ARK2N: variants seen among roughly 807,000 people sequenced by gnomAD.
The protein encoded by ARK2N is protein ARK2N.
chr18:46,213,020 G>GA, the ARK2N span, among the ~76,000 whole-genome samples: 1 of 56,274 alleles, frequency 1.8e-5, no homozygotes, highest in Non-Finnish European at 3.4e-5. Flanking sequence ...TTTTTTTTTG[G>GA]AGACTAAGTC....
the ARK2N span, among the ~76,000 whole-genome samples, chr18:46,193,745 C>T: frequency 6.6e-6 from 1 of 151,530 alleles, no homozygotes; most frequent in Admixed American, 6.6e-5. Context: ...ATTACAAGTG[C>T]ATGCCAACAC....
chr18:46,231,836 C>T, the ARK2N span: 1 of 151,446 alleles, frequency 6.6e-6, no homozygotes, highest in Admixed American at 6.6e-5. Flanking sequence ...CTCACTGCAA[C>T]CTCCACCTCC....
At chr18:46,241,961 C>T in the ARK2N span, among the ~76,000 whole-genome samples, 7 of 151,936 alleles carry the variant, frequency 4.6e-5, no homozygotes, top group South Asian at 8.3e-4. Context: ...GGATTACAGG[C>T]GCGCACCACC....
the ARK2N span, chr18:46,174,186 C>T: frequency 6.6e-6 from 1 of 152,512 alleles, no homozygotes; most frequent in Non-Finnish European, 1.5e-5. Context: ...GCTGCCGGGG[C>T]TTGTTCCGAG....
At chr18:46,236,791 C>T in the ARK2N span, among the ~76,000 whole-genome samples, 7 of 151,608 alleles carry the variant, frequency 4.6e-5, no homozygotes, top group African/African-American at 1.7e-4. Flanking sequence ...TTATTCTATC[C>T]TATAATGAAC....
chr18:46,175,038 G>T, the ARK2N span, among the ~76,000 whole-genome samples: 25 of 152,300 alleles, frequency 1.6e-4, no homozygotes, highest in African/African-American at 6.0e-4. Context: ...AACCGGCGAG[G>T]ATGTACACTG....
chr18:46,186,073 A>G, the ARK2N span, among the ~76,000 whole-genome samples: 2 of 152,094 alleles, frequency 1.3e-5, no homozygotes, highest in African/African-American at 4.8e-5. Context: ...ATTTTTTTGA[A>G]GTGTTTAGGT....
the ARK2N span, among the ~76,000 whole-genome samples, chr18:46,185,712 C>T: frequency 2.0e-5 from 3 of 152,266 alleles, no homozygotes; most frequent in Middle Eastern, 3.4e-3. Context: ...TAAGGCCGGG[C>T]GTGGTGGCTC....
the ARK2N span, chr18:46,216,417 C>A: frequency 6.2e-7 from 1 of 1,614,054 alleles, no homozygotes; most frequent in South Asian, 1.1e-5. The surrounding 1 kb of genome is among the most constrained non-coding windows in gnomAD (Gnocchi z 4.3). Context: ...GCCAAAAGCA[C>A]AAGGAGAGGA....
the ARK2N span, among the ~76,000 whole-genome samples, chr18:46,197,866 CTT>C: frequency 1.3e-4 from 20 of 152,260 alleles, no homozygotes; most frequent in African/African-American, 4.3e-4. Context: ...ACTTTCACCT[CTT>C]TTATATTTTC....
the ARK2N span, among the ~76,000 whole-genome samples, chr18:46,182,029 C>G: frequency 8.5e-5 from 13 of 152,126 alleles, no homozygotes; most frequent in Admixed American, 8.5e-4. Context: ...ACAATAATGT[C>G]TGGAGTCTGC....
the ARK2N span, among the ~76,000 whole-genome samples, chr18:46,238,945 T>C: frequency 6.6e-6 from 1 of 152,206 alleles, no homozygotes; most frequent in African/African-American, 2.4e-5. Context: ...AAAACCTTAA[T>C]GGAAATAGTT....
At chr18:46,180,678 G>C in the ARK2N span, among the ~76,000 whole-genome samples, 1 of 151,940 alleles carries the variant, frequency 6.6e-6, no homozygotes, top group Admixed American at 6.6e-5. Flanking sequence ...ACTCCAGCCT[G>C]GGCAACAAGA....
chr18:46,243,857 A>G, the ARK2N span, among the ~76,000 whole-genome samples: 4 of 152,334 alleles, frequency 2.6e-5, no homozygotes, highest in East Asian at 3.9e-4. Flanking sequence ...TGTGTTTACT[A>G]CGGAGGACAG....
At chr18:46,203,304 A>C in the ARK2N span, among the ~76,000 whole-genome samples, 29 of 152,346 alleles carry the variant, frequency 1.9e-4, no homozygotes, top group Admixed American at 6.5e-4. Context: ...AATACTTTGC[A>C]GTGATGAAAA....
chr18:46,256,543 G>A, the ARK2N span, among the ~76,000 whole-genome samples: 3 of 152,118 alleles, frequency 2.0e-5, no homozygotes, highest in African/African-American at 7.2e-5. Flanking sequence ...CTTGAACAAA[G>A]TGACTTTGTC....
At chr18:46,245,659 A>AT in the ARK2N span, among the ~76,000 whole-genome samples, 3 of 150,486 alleles carry the variant, frequency 2.0e-5, no homozygotes, top group South Asian at 2.1e-4. Context: ...TTATTTTTTT[A>AT]TTTTTTTTAT....
the ARK2N span, among the ~76,000 whole-genome samples, chr18:46,242,084 C>T: frequency 1.3e-3 from 203 of 152,240 alleles, no homozygotes; most frequent in African/African-American, 4.7e-3. Flanking sequence ...GCTGGGATTA[C>T]AGGCGTGAAC....
the ARK2N span, chr18:46,263,030 C>T: frequency 6.2e-7 from 1 of 1,614,214 alleles, no homozygotes. Flanking sequence ...TCATGGACTG[C>T]TGTGACTCCC....
Sources: gnomAD v4.1 joint callset for allele counts (sites outside exome capture counted in the v4.1 genomes callset) on GRCh38, gnomAD v4.1.1 for gene constraint, Gnocchi (gnomAD v3.1) non-coding constraint, MANE v1.5 for transcripts, NCBI Gene and HGNC (gene_info 2026-07-23, HGNC 2026-07-21) for gene names.